The following EYS variants were observed in gnomAD, a reference collection of about 807,000 sequenced individuals.
EYS encodes EGF-like photoreceptor maintenance factor.
Under a neutral mutation model 282.1 loss-of-function variants are expected in EYS, and 250 were observed. That is an observed-to-expected ratio of 0.89 (90% CI 0.80 to 0.98). The LOEUF (loss-of-function observed/expected upper bound fraction) is 0.98. EYS is among the 50% of genes least tolerant of loss of function. The pLI is 0.00. For missense variants in EYS, 4,016 were observed against 3,709.0 expected (o/e 1.08, Z -2.15); for synonymous variants, 1,355 against 1,282.9 (o/e 1.06, Z -1.20).
chr6:64,232,446 A>G (rs2150338783), intron 30 of EYS, among the ~76,000 whole-genome samples: 1 of 152,210 alleles, frequency 6.6e-6, no homozygotes, highest in African/African-American at 2.4e-5. Flanking sequence ...CTGGAGTGCA[A>G]TGGTGCGATC....
chr6:64,775,313 A>G (rs1773645406), intron 22 of EYS, among the ~76,000 whole-genome samples: 1 of 151,920 alleles, frequency 6.6e-6, no homozygotes, highest in African/African-American at 2.4e-5. Flanking sequence ...TGCCTCCCAT[A>G]AAGGCTGTTC....
intron 22 of EYS, among the ~76,000 whole-genome samples, chr6:64,741,125 A>T (rs1772357500): frequency 6.6e-6 from 1 of 152,112 alleles, no homozygotes; most frequent in Non-Finnish European, 1.5e-5. Context: ...AGCCTTATGA[A>T]ATGTATTTCT....
At chr6:65,384,139 A>G (rs1765716694) in intron 8 of EYS, among the ~76,000 whole-genome samples, 2 of 151,914 alleles carry the variant, frequency 1.3e-5, no homozygotes, top group South Asian at 4.1e-4. Flanking sequence ...GTATATCACC[A>G]GGCCTCAATT....
At chr6:65,076,020 G>T (rs1409474128) in intron 12 of EYS, among the ~76,000 whole-genome samples, 1 of 151,860 alleles carries the variant, frequency 6.6e-6, no homozygotes, top group Non-Finnish European at 1.5e-5. Flanking sequence ...GAAAAAAACA[G>T]GAAGTTACTT....
In EYS at chr6:65,401,862, A is replaced by T. The variant is rs79683745; in HGVS notation, c.1184+616T>A. On this transcript the variant is annotated intron_variant, in intron 7 of 42. Transcript: ENST00000503581. ...GAATTTACTTGAAGCAGTCAGATAA[A>T]AGTCAGGCAAGTGTGAAGAGTATAA... Among the ~76,000 whole-genome samples the T allele has an allele frequency of 9.2e-3, 1,402 of 152,036 alleles. 31 individuals are homozygous for T. Among genetic ancestry groups the T allele is most frequent in the African/African-American group, 0.032 (1,322 of 41,530 alleles).
intron 2 of EYS, among the ~76,000 whole-genome samples, chr6:65,603,524 CT>C (rs1332946923): frequency 6.6e-6 from 1 of 151,862 alleles, no homozygotes; most frequent in African/African-American, 2.4e-5. Context: ...TTTGAACCCC[CT>C]GTTACCTGAG....
chr6:65,017,097 T>A (rs1243578720), intron 13 of EYS, among the ~76,000 whole-genome samples: 1 of 152,128 alleles, frequency 6.6e-6, no homozygotes, highest in Non-Finnish European at 1.5e-5. Flanking sequence ...CCCTCCCAGC[T>A]TCCTAGACTC....
At chr6:64,674,862 A>G (rs1333269760) in intron 22 of EYS, among the ~76,000 whole-genome samples, 1 of 152,110 alleles carries the variant, frequency 6.6e-6, no homozygotes, top group Non-Finnish European at 1.5e-5. Context: ...TTGGAGAAAA[A>G]AAAATCAAAG....
intron 19 of EYS, among the ~76,000 whole-genome samples, chr6:64,869,225 T>C (rs999478565): frequency 6.6e-6 from 1 of 151,580 alleles, no homozygotes; most frequent in East Asian, 1.9e-4. Flanking sequence ...CATGAACATT[T>C]GTTCAGACTA....
At chr6:65,533,907 G>A (rs1024954101) in intron 2 of EYS, among the ~76,000 whole-genome samples, 1 of 152,038 alleles carries the variant, frequency 6.6e-6, no homozygotes, top group African/African-American at 2.4e-5. Flanking sequence ...GCCTTTGTCC[G>A]AGGTAGAAAC....
intron 30 of EYS, among the ~76,000 whole-genome samples, chr6:64,303,182 C>T (rs6920812): frequency 0.031 from 4,747 of 152,246 alleles, 236 homozygotes; most frequent in African/African-American, 0.11. Context: ...CACCGACTTC[C>T]GGCTTCTAAC....
intron 30 of EYS, 22 bp from the exon 31 acceptor site, chr6:64,230,846 G>A: frequency 2.8e-6 from 4 of 1,411,138 alleles, no homozygotes; most frequent in South Asian, 2.7e-5. Context: ...AAACAGACAA[G>A]AAAACAAAAT....
chr6:64,046,225 A>G (rs1770621037), intron 33 of EYS, among the ~76,000 whole-genome samples: 1 of 151,944 alleles, frequency 6.6e-6, no homozygotes. Context: ...GTTTGAGATC[A>G]GGCCTGAATC....
At chr6:64,123,834 T>C (rs1773674276) in intron 31 of EYS, among the ~76,000 whole-genome samples, 1 of 152,194 alleles carries the variant, frequency 6.6e-6, no homozygotes, top group African/African-American at 2.4e-5. Context: ...ATTCAAAGAT[T>C]GTGCCTTTGG....
At chr6:64,095,667 C>T (rs771791720) in intron 31 of EYS, among the ~76,000 whole-genome samples, 8 of 151,746 alleles carry the variant, frequency 5.3e-5, no homozygotes, top group Non-Finnish European at 2.9e-5. Flanking sequence ...TGAGATGGGT[C>T]TCCTGAATAC....
chr6:64,140,764 T>C (rs1038870344), intron 31 of EYS, among the ~76,000 whole-genome samples: 2 of 152,164 alleles, frequency 1.3e-5, no homozygotes, highest in African/African-American at 2.4e-5. Context: ...CTGGGAATGA[T>C]AAAAAGCTCC....
intron 31 of EYS, among the ~76,000 whole-genome samples, chr6:64,083,269 T>C (rs963005140): frequency 2.0e-5 from 3 of 152,186 alleles, no homozygotes; most frequent in African/African-American, 7.2e-5. Context: ...GACGGAAATT[T>C]AGTATTTCCG....
At chr6:64,755,866 G>A (rs1336277156) in intron 22 of EYS, among the ~76,000 whole-genome samples, 1 of 152,004 alleles carries the variant, frequency 6.6e-6, no homozygotes, top group South Asian at 2.1e-4. Context: ...ATGTAATAAA[G>A]CTGCACTTGT....
At chr6:65,673,501 A>G (rs1185402369) in intron 1 of EYS, among the ~76,000 whole-genome samples, 1 of 152,154 alleles carries the variant, frequency 6.6e-6, no homozygotes, top group Admixed American at 6.6e-5. Context: ...GGGAGGACCC[A>G]GGACATACAC....
Sources: gnomAD v4.1 joint callset for allele counts (sites outside exome capture counted in the v4.1 genomes callset) on GRCh38, gnomAD v4.1.1 for gene constraint, MANE v1.5 for transcripts, NCBI Gene and HGNC (gene_info 2026-07-23, HGNC 2026-07-21) for gene names.